The following CSNK1G1 variants were observed in gnomAD, a reference collection of about 807,000 sequenced individuals.
The protein encoded by CSNK1G1 is casein kinase 1 gamma 1, also known as casein kinase I isoform gamma-1.
A neutral mutation model predicts 59.6 loss-of-function variants in CSNK1G1; 22 were observed. The ratio of observed to expected loss-of-function variants is 0.37; its 90% CI spans 0.26 to 0.53. The LOEUF is 0.53. Ranked by LOEUF, CSNK1G1 falls within the 20% of genes least tolerant of loss-of-function variation. The probability of loss-of-function intolerance (pLI) is 0.89; values close to 1 mark genes in which losing one functional copy is unlikely to be tolerated. For missense variants in CSNK1G1, 384 were observed against 519.5 expected (o/e 0.74, Z 2.54); for synonymous variants, 179 against 177.1 (o/e 1.01, Z -0.08).
intron 2 of CSNK1G1, among the ~76,000 whole-genome samples, chr15:64,259,497 C>G (rs1040361442): frequency 2.7e-5 from 4 of 150,226 alleles, no homozygotes; most frequent in Non-Finnish European, 3.0e-5. Context: ...CACACACACA[C>G]ACACACACAC....
intron 1 of CSNK1G1, among the ~76,000 whole-genome samples, chr15:64,312,177 C>T (rs1403961711): frequency 2.6e-5 from 4 of 152,120 alleles, no homozygotes; most frequent in Admixed American, 6.5e-5. Flanking sequence ...AGCCATACTG[C>T]CCAAAGTAAT....
chr15:64,314,910 C>T (rs1896191372), intron 1 of CSNK1G1, among the ~76,000 whole-genome samples: 1 of 152,158 alleles, frequency 6.6e-6, no homozygotes, highest in African/African-American at 2.4e-5. Context: ...CATAACTTGG[C>T]TATTGTGAAT....
intron 11 of CSNK1G1, among the ~76,000 whole-genome samples, chr15:64,173,201 G>T (rs545308480): frequency 2.0e-4 from 31 of 152,144 alleles, no homozygotes; most frequent in Non-Finnish European, 4.1e-4. Context: ...CATACCCCTA[G>T]GTATTCCATT....
At chr15:64,269,487 T>C (rs1229912368) in intron 2 of CSNK1G1, among the ~76,000 whole-genome samples, 6 of 148,790 alleles carry the variant, frequency 4.0e-5, no homozygotes, top group East Asian at 1.9e-4. Flanking sequence ...CAGTTTCTGA[T>C]GGCTATTTTT....
intron 10 of CSNK1G1, chr15:64,181,289 C>G: frequency 6.5e-7 from 1 of 1,536,090 alleles, no homozygotes; most frequent in African/African-American, 1.4e-5. Context: ...AATGTGGACC[C>G]AATCAGGCTT....
At position 64,210,284 on chromosome 15, in the gene CSNK1G1, G is replaced by C. The variant is rs983455874; in HGVS notation, c.680-2690C>G. ...TCTGAAAATAAAGTGTTCAATCTGG[G>C]GAGAATTTGAAAAGTCATTTTCCAG... On this transcript the variant is annotated intron_variant, in intron 6 of 11. Transcript: ENST00000303052. This position sits in a 1 kb window ranked among gnomAD's most constrained non-coding sequence, Gnocchi z 4.2. Among the ~76,000 whole-genome samples the C allele has an allele frequency of 6.6e-6, 1 of 152,046 alleles. No homozygotes were observed. Among genetic ancestry groups the C allele is most frequent in the Non-Finnish European group, 1.5e-5 (1 of 68,010 alleles).
At chr15:64,199,872 A>C (rs1397511936) in intron 10 of CSNK1G1, among the ~76,000 whole-genome samples, 1 of 152,144 alleles carries the variant, frequency 6.6e-6, no homozygotes, top group African/African-American at 2.4e-5. Context: ...AAATAAATAA[A>C]ATTTTAAAAA....
At chr15:64,175,255 T>C (rs567620648) in intron 11 of CSNK1G1, among the ~76,000 whole-genome samples, 3 of 152,256 alleles carry the variant, frequency 2.0e-5, no homozygotes, top group African/African-American at 7.2e-5. Context: ...AGGAAGCCCC[T>C]GTAGGCAATC....
intron 2 of CSNK1G1, among the ~76,000 whole-genome samples, chr15:64,277,218 A>G (rs951271948): frequency 1.3e-5 from 2 of 152,192 alleles, no homozygotes; most frequent in Admixed American, 1.3e-4. Context: ...TAATCCAAAA[A>G]CTTTGGGAGG....
At chr15:64,175,143 T>C (rs1056127345) in intron 11 of CSNK1G1, among the ~76,000 whole-genome samples, 1 of 152,018 alleles carries the variant, frequency 6.6e-6, no homozygotes, top group African/African-American at 2.4e-5. Flanking sequence ...CACAGACACA[T>C]GTTTGCAAAA....
In CSNK1G1 at chr15:64,214,242, C is replaced by T. The variant is rs2082283256; in HGVS notation, c.445-118G>A. ...ATTGAAATAACAGTAAAATTCATCT[C>T]CTTTCACCGCCCTGAGTCACTTCAC... On this transcript the variant is annotated intron_variant, in intron 5 of 11. Coordinates refer to ENST00000303052, the MANE Select transcript of CSNK1G1 (RefSeq NM_022048.5). The surrounding 1 kb of genome is among the most constrained non-coding windows in gnomAD (Gnocchi z 4.3). The T allele has an allele frequency of 2.7e-6, 2 of 727,992 alleles. No homozygotes were observed. The highest frequency in any genetic ancestry group is 1.7e-5 in the South Asian group (1 of 57,302). 45.1% of individuals were successfully genotyped at this position (727,992 alleles called of 1,614,324 possible).
At chr15:64,174,203 C>T (rs772404558) in intron 11 of CSNK1G1, among the ~76,000 whole-genome samples, 19 of 152,174 alleles carry the variant, frequency 1.2e-4, no homozygotes, top group Non-Finnish European at 2.2e-4. Flanking sequence ...CTTTTACCTC[C>T]TCCAAGGCAA....
intron 2 of CSNK1G1, among the ~76,000 whole-genome samples, chr15:64,294,221 C>T (rs910217451): frequency 6.6e-5 from 10 of 152,052 alleles, no homozygotes; most frequent in South Asian, 2.1e-4. Flanking sequence ...TACAGGCGTC[C>T]GTCACCAAGC....
rs570511675 is a variant in CSNK1G1, at chr15:64,177,428, T to C, written c.1214+2920A>G. Among the ~76,000 whole-genome samples the C allele has an allele frequency of 5.9e-5, 9 of 152,214 alleles. 1 individual carries two copies. Among genetic ancestry groups the C allele is most frequent in the African/African-American group, 1.9e-4 (8 of 41,522 alleles). On this transcript the variant is annotated intron_variant, in intron 11 of 11. Coordinates refer to ENST00000303052, the MANE Select transcript of CSNK1G1 (RefSeq NM_022048.5). ...CCCCACACGCAAAGGCCAAGAAAAA[T>C]AACACATGGCTGGGCCCTGACAGTT...
chr15:64,217,403 C>A (rs1287079207), intron 4 of CSNK1G1, among the ~76,000 whole-genome samples: 2 of 152,162 alleles, frequency 1.3e-5, no homozygotes, highest in Non-Finnish European at 2.9e-5. Flanking sequence ...TATTAAGAAG[C>A]CAAAATCCAG....
chr15:64,165,590 G>T lies in CSNK1G1; in HGVS notation c.*6341C>A, dbSNP rs1441453426. 1 of 154,476 alleles carries T rather than the reference G, an allele frequency of 6.5e-6. No homozygotes were observed. Among genetic ancestry groups the T allele is most frequent in the Non-Finnish European group, 1.4e-5 (1 of 69,804 alleles). The allele number at this position is 154,476 out of a possible 1,614,324, so 9.6% of individuals were successfully genotyped here. ...AGGAGAAGACAATATTTAATCCAAG[G>T]AATGAAACAAGAATGCCAAATTATT... is the stretch of plus-strand genomic sequence containing the variant. On this transcript the variant is annotated 3_prime_UTR_variant, in exon 12 of 12. Coordinates refer to ENST00000303052, the MANE Select transcript of CSNK1G1 (RefSeq NM_022048.5).
At chr15:64,342,778 C>T (rs769607879) in intron 1 of CSNK1G1, 8 of 152,184 alleles carry the variant, frequency 5.3e-5, no homozygotes, top group Non-Finnish European at 1.2e-4. Context: ...ATCTAATTTC[C>T]TCTGCCTAAC....
At chr15:64,241,475 C>A (rs1342441063) in intron 4 of CSNK1G1, among the ~76,000 whole-genome samples, 1 of 152,118 alleles carries the variant, frequency 6.6e-6, no homozygotes, top group Non-Finnish European at 1.5e-5. Flanking sequence ...CAGACATTTA[C>A]AAAACATTTC....
intron 2 of CSNK1G1, among the ~76,000 whole-genome samples, chr15:64,276,975 A>G (rs1183892327): frequency 2.0e-5 from 3 of 151,676 alleles, no homozygotes; most frequent in Non-Finnish European, 2.9e-5. Flanking sequence ...AAAAGAAAAT[A>G]GTTGAAAGTG....
Sources: gnomAD v4.1 joint callset for allele counts (sites outside exome capture counted in the v4.1 genomes callset) on GRCh38, gnomAD v4.1.1 for gene constraint, Gnocchi (gnomAD v3.1) non-coding constraint, MANE v1.5 for transcripts, NCBI Gene and HGNC (gene_info 2026-07-23, HGNC 2026-07-21) for gene names.